The following KCNK10 variants were observed in gnomAD, a reference collection of about 807,000 sequenced individuals.
The protein encoded by KCNK10 is potassium two pore domain channel subfamily K member 10.
In KCNK10, 25 loss-of-function variants were observed where a neutral mutation model predicts 47.7. The observed-to-expected ratio is 0.52, with a 90% CI of 0.38 to 0.73. The LOEUF (loss-of-function observed/expected upper bound fraction) is 0.73, where lower values mean the gene tolerates loss of function less well. Ranked by LOEUF, KCNK10 falls within the 30% of genes least tolerant of loss-of-function variation. KCNK10 has a pLI of 0.00. For synonymous variants in KCNK10, 303 were observed against 285.6 expected (o/e 1.06, Z -0.61); for missense variants, 563 against 714.5 (o/e 0.79, Z 2.42).
chr14:88,282,226 T>C (rs2139773525), intron 1 of KCNK10, among the ~76,000 whole-genome samples: 1 of 152,330 alleles, frequency 6.6e-6, no homozygotes, highest in Non-Finnish European at 1.5e-5. Context: ...TCCAACCACC[T>C]CAACCAGAGG....
chr14:88,280,058 T>C (rs1482087822), intron 1 of KCNK10, among the ~76,000 whole-genome samples: 2 of 152,178 alleles, frequency 1.3e-5, no homozygotes, highest in Non-Finnish European at 2.9e-5. Context: ...TGGTTATGTC[T>C]TTATCAGCAG....
intron 1 of KCNK10, among the ~76,000 whole-genome samples, chr14:88,290,106 C>G (rs777002076): frequency 1.3e-5 from 2 of 152,176 alleles, no homozygotes; most frequent in Non-Finnish European, 2.9e-5. Context: ...TACTACTTTA[C>G]ACGACAAAGG....
intron 3 of KCNK10, among the ~76,000 whole-genome samples, chr14:88,229,366 G>A (rs9323824): frequency 0.29 from 43,768 of 151,750 alleles, 6,961 homozygotes; most frequent in East Asian, 0.47. Flanking sequence ...CACACTACCT[G>A]GTTCTCCTTA....
At chr14:88,216,643 A>G (rs1481987805) in intron 4 of KCNK10, among the ~76,000 whole-genome samples, 1 of 152,230 alleles carries the variant, frequency 6.6e-6, no homozygotes, top group Non-Finnish European at 1.5e-5. Context: ...AATGTTGTGT[A>G]GTCTGTTTTG....
chr14:88,301,449 G>A (rs905563369), intron 1 of KCNK10, among the ~76,000 whole-genome samples: 3 of 151,876 alleles, frequency 2.0e-5, no homozygotes, highest in African/African-American at 7.3e-5. Context: ...TTTAGTTTTA[G>A]TTTATTAAAC....
rs1884372763 is a variant in KCNK10 at position 88,181,893 on chromosome 14, C to G, written c.*3642G>C. The G allele has an allele frequency of 6.6e-6, 1 of 152,182 alleles. No homozygotes were observed. Among genetic ancestry groups the G allele is most frequent in the Non-Finnish European group, 1.5e-5 (1 of 68,024 alleles). The allele number at this position is 152,182 out of a possible 1,614,324, so 9.4% of individuals were successfully genotyped here. A position where few individuals can be genotyped will look rare whatever the true frequency, so the allele number is the denominator to read the frequency against. Reference sequence around the variant, plus strand: ...CTTGACAAGTATCTGTGCTCAACTCCCTCCCTTGATGTGCAGACAAGGTAA... The same window carrying G: ...CTTGACAAGTATCTGTGCTCAACTCGCTCCCTTGATGTGCAGACAAGGTAA... On this transcript the variant is annotated 3_prime_UTR_variant, in exon 7 of 7. Coordinates refer to ENST00000319231, the MANE Select transcript of KCNK10 (RefSeq NM_138317.3).
intron 3 of KCNK10, among the ~76,000 whole-genome samples, chr14:88,239,067 T>C (rs1662913595): frequency 6.6e-6 from 1 of 152,118 alleles, no homozygotes; most frequent in Non-Finnish European, 1.5e-5. Flanking sequence ...TTAACAGATA[T>C]AATCAAAAAT....
At chr14:88,206,663 A>T (rs1250134645) in intron 4 of KCNK10, among the ~76,000 whole-genome samples, 1 of 152,226 alleles carries the variant, frequency 6.6e-6, no homozygotes, top group East Asian at 1.9e-4. Flanking sequence ...GAGATATTGC[A>T]TTCTACGTAT....
chr14:88,233,447 T>G (rs1886210056), intron 3 of KCNK10, among the ~76,000 whole-genome samples: 1 of 152,208 alleles, frequency 6.6e-6, no homozygotes, highest in Non-Finnish European at 1.5e-5. Flanking sequence ...GAACTAATAA[T>G]TGTGGCCAAG....
intron 2 of KCNK10, among the ~76,000 whole-genome samples, chr14:88,252,116 T>A (rs187505924): frequency 2.1e-4 from 32 of 152,216 alleles, no homozygotes; most frequent in African/African-American, 7.7e-4. Context: ...GGTTTTGCCA[T>A]GTTGCCCAGG....
At chr14:88,246,083 C>A (rs562263611) in intron 2 of KCNK10, among the ~76,000 whole-genome samples, 15 of 151,894 alleles carry the variant, frequency 9.9e-5, no homozygotes, top group Admixed American at 2.0e-4. Flanking sequence ...TAAAAGTGAG[C>A]CTATTTTTAG....
intron 4 of KCNK10, among the ~76,000 whole-genome samples, chr14:88,195,515 G>A (rs1437574040): frequency 6.6e-6 from 1 of 152,148 alleles, no homozygotes; most frequent in Non-Finnish European, 1.5e-5. Context: ...GATAATCTCT[G>A]TTTAGCTTCA....
intron 3 of KCNK10, among the ~76,000 whole-genome samples, chr14:88,228,054 C>G (rs1286215966): frequency 6.6e-6 from 1 of 152,122 alleles, no homozygotes; most frequent in Non-Finnish European, 1.5e-5. Flanking sequence ...CAGCCTTACC[C>G]TGGGAAGTCT....
intron 3 of KCNK10, among the ~76,000 whole-genome samples, chr14:88,228,444 C>T (rs184541518): frequency 1.2e-3 from 176 of 152,256 alleles, no homozygotes; most frequent in African/African-American, 3.9e-3. Context: ...CATTAGCACA[C>T]TTTATATGGA....
At chr14:88,255,604 C>G (rs1886930962) in intron 2 of KCNK10, among the ~76,000 whole-genome samples, 1 of 151,954 alleles carries the variant, frequency 6.6e-6, no homozygotes, top group African/African-American at 2.4e-5. Context: ...AGACAGTGTC[C>G]ATTTCACGGT....
intron 4 of KCNK10, among the ~76,000 whole-genome samples, chr14:88,195,415 T>A (rs561262724): frequency 3.9e-5 from 6 of 152,240 alleles, no homozygotes; most frequent in Non-Finnish European, 8.8e-5. Flanking sequence ...CATTTTAATG[T>A]AAATGCTCAA....
chr14:88,233,266 C>G (rs1322450246), intron 3 of KCNK10, among the ~76,000 whole-genome samples: 1 of 152,188 alleles, frequency 6.6e-6, no homozygotes, highest in African/African-American at 2.4e-5. Context: ...CTTTTCTTCA[C>G]TCTGCTTCTT....
intron 2 of KCNK10, among the ~76,000 whole-genome samples, chr14:88,248,380 A>G (rs981599151): frequency 6.6e-6 from 1 of 152,148 alleles, no homozygotes; most frequent in Non-Finnish European, 1.5e-5. Flanking sequence ...TATTGTAGCT[A>G]TTTACCTTAG....
rs143290799 is a variant in KCNK10, at chr14:88,206,814, T to C, written c.682-14404A>G. The stretch of plus-strand genomic sequence containing the variant: ...TTGAATTTTTCAGAATTATCTGTAT[T>C]GGCAAAGTGCACTGTCTCTGAAATT... On this transcript the variant is annotated intron_variant, in intron 4 of 6. Coordinates refer to ENST00000319231, the MANE Select transcript of KCNK10 (RefSeq NM_138317.3). 4.6e-5 allele frequency among the ~76,000 whole-genome samples: 7 copies of C among 152,364 alleles called. No individual in the cohort carries two copies. The East Asian group carries it at 9.6e-4, about 21-fold the overall frequency.
Sources: gnomAD v4.1 joint callset for allele counts (sites outside exome capture counted in the v4.1 genomes callset) on GRCh38, gnomAD v4.1.1 for gene constraint, MANE v1.5 for transcripts, NCBI Gene and HGNC (gene_info 2026-07-23, HGNC 2026-07-21) for gene names.